NBPF14: variants seen among roughly 807,000 people sequenced by gnomAD.
The protein encoded by NBPF14 is NBPF member 14, also known as NBPF family member NBPF14.
NBPF14 carries 104 observed loss-of-function variants against 91.2 expected under a neutral mutation model. The observed-to-expected ratio is 1.14, with a 90% confidence interval of 0.97 to 1.34. The LOEUF is 1.34. Ranked by LOEUF, NBPF14 falls within the 40% of genes most tolerant of loss-of-function variation. The pLI, the probability that NBPF14 is intolerant of heterozygous loss-of-function variation, is 0.00. For synonymous variants in NBPF14, 294 were observed against 303.8 expected (o/e 0.97, Z 0.34); for missense variants, 908 against 783.0 (o/e 1.16, Z -1.91).
At chr1:148,574,068 A>G (rs2149528405) in exon 19 of NBPF14, 2 of 86,176 alleles carry the variant, frequency 2.3e-5, no homozygotes, top group African/African-American at 5.6e-4. Context: ...ACGTCAAGAG[A>G]AAAGCCAACA....
At chr1:148,566,395 A>G in intron 28 of NBPF14, 80 bp from the exon 29 acceptor site, 2 of 666,686 alleles carry the variant, frequency 3.0e-6, no homozygotes, top group Admixed American at 4.6e-5. Context: ...CATGGGTAGC[A>G]TAGGGAAGTG....
rs1311542736 is a variant in NBPF14, at chr1:148,539,275, C to T, written c.7882+135G>A. The T allele has an allele frequency of 7.6e-5, 48 of 634,982 alleles. 7 individuals are homozygous for T. The highest frequency in any genetic ancestry group is 8.1e-4 in the Middle Eastern group (2 of 2,480). 39.3% of individuals were successfully genotyped at this position (634,982 alleles called of 1,614,324 possible). On this transcript the variant is annotated intron_variant, in intron 63 of 70. Transcript: ENST00000619423. Reference sequence around the variant, plus strand: ...TCCAACTGAGACTACAGTTTCTTTACAACCTATATGCGCCCATAGGTCCTG... The same window carrying T: ...TCCAACTGAGACTACAGTTTCTTTATAACCTATATGCGCCCATAGGTCCTG...
Position 148,559,336 on chromosome 1 carries a change from C to T in NBPF14, c.4730-264G>A, listed in dbSNP as rs1473012465. Among the ~76,000 whole-genome samples, 3 of 127,338 alleles carry T rather than the reference C, an allele frequency of 2.4e-5. 1 individual carries two copies. Among genetic ancestry groups the T allele is most frequent in the African/African-American group, 1.2e-4 (3 of 24,932 alleles). 83.5% of individuals were successfully genotyped at this position (127,338 alleles called of 152,430 possible). ...TCCCAAGTTTGTGCAAATGGTTATG[C>T]CATATTTTTCCAATCGATTTAAAGC... On this transcript the variant is annotated intron_variant, in intron 37 of 70. Transcript: ENST00000619423.
At chr1:148,557,149 A>G (rs1656745915) in intron 40 of NBPF14, among the ~76,000 whole-genome samples, 1 of 117,540 alleles carries the variant, frequency 8.5e-6, no homozygotes, top group Non-Finnish European at 1.6e-5. Flanking sequence ...AGGGAGTAAC[A>G]GGACACTCTG....
intron 12 of NBPF14, among the ~76,000 whole-genome samples, chr1:148,580,798 T>C (rs1660783872): frequency 1.5e-5 from 1 of 65,842 alleles, no homozygotes; most frequent in African/African-American, 9.7e-5. Flanking sequence ...ATATTCAACA[T>C]TCTTTTTTTT....
At chr1:148,586,810 T>C (rs1221082244) in intron 8 of NBPF14, among the ~76,000 whole-genome samples, 1 of 138,874 alleles carries the variant, frequency 7.2e-6, no homozygotes, top group Admixed American at 7.4e-5. Context: ...ACATAGTGCA[T>C]CTTGCGGCCA....
rs1458609633 is a variant in NBPF14, at chr1:148,561,802, A to G, written c.4275-223T>C. ...ACACACACACACACACACACACACA[A>G]ACACACACACACACACAGAGAGAGA... On this transcript the variant is annotated intron_variant, in intron 34 of 70. Coordinates refer to ENST00000619423, the Ensembl canonical transcript of NBPF14. Among the ~76,000 whole-genome samples the G allele has an allele frequency of 2.1e-5, 2 of 95,614 alleles. 1 individual carries two copies. The highest frequency in any genetic ancestry group is 1.0e-4 in the African/African-American group (2 of 19,680). 62.7% of individuals were successfully genotyped at this position (95,614 alleles called of 152,430 possible).
rs1214509343 is a variant in NBPF14, at chr1:148,575,750, A to G, written c.2140T>C (p.Cys714Arg). The G allele has an allele frequency of 2.5e-5, 7 of 279,190 alleles. No individual in the cohort carries two copies. In the African/African-American group the frequency reaches 8.2e-4, roughly 33 times the overall value. The allele number at this position is 279,190 out of a possible 1,614,324, so 17.3% of individuals were successfully genotyped here. A position where few individuals can be genotyped will look rare whatever the true frequency, so the allele number is the denominator to read the frequency against. The stretch of plus-strand genomic sequence containing the variant: ...AGATAACCTGAAGGAGTCGAATAAC[A>G]TCTATCCAGTGAGTCCTGCAAGACT... Residue 714 changes from cysteine (C) to arginine (R), a missense_variant, in exon 17 of 71, where the codon TGT becomes CGT. Physicochemically the swap from Cys to Arg is radical, Grantham distance 180. Coordinates refer to ENST00000619423, the Ensembl canonical transcript of NBPF14.
chr1:148,593,954 G>C (rs1299271876), intron 2 of NBPF14, among the ~76,000 whole-genome samples: 2 of 149,918 alleles, frequency 1.3e-5, no homozygotes, highest in Non-Finnish European at 3.0e-5. Context: ...CCACAACGAA[G>C]TGGAGTCAGA....
intron 68 of NBPF14, 53 bp from the exon 69 acceptor site, chr1:148,534,909 C>A (rs1259036239): frequency 8.3e-6 from 6 of 720,218 alleles, no homozygotes; most frequent in South Asian, 2.9e-5. Flanking sequence ...AGAAACCACA[C>A]AGCCCCAGCT....
At position 148,587,357 on chromosome 1, in the gene NBPF14, C is replaced by G. The variant is rs1159595483; in HGVS notation, c.1035G>C (p.Glu345Asp). ...CAAGCTTCTCCTCCTTGAACTGTCG[C>G]TCATTCCTCAGCATAAATTTTATGA... The change falls in exon 8 of 71, where the codon GAG becomes GAC. Residue 345 changes from glutamate (E) to aspartate (D), a missense_variant. Transcript: ENST00000619423. The G allele has an allele frequency of 1.9e-6, 3 of 1,583,318 alleles. No homozygotes were observed. In the East Asian group the frequency reaches 6.7e-5, roughly 35 times the overall value.
At chr1:148,532,477 G>C (rs1257269306) in exon 71 of NBPF14, 1 of 151,494 alleles carries the variant, frequency 6.6e-6, no homozygotes, top group Non-Finnish European at 1.4e-5. Flanking sequence ...CTAACCAAAG[G>C]AGTCTAGCGG....
At chr1:148,534,252 T>A (rs1486741383) in intron 69 of NBPF14, among the ~76,000 whole-genome samples, 2 of 151,548 alleles carry the variant, frequency 1.3e-5, no homozygotes, top group South Asian at 2.1e-4. Context: ...CCAATCAACG[T>A]AAAGCAAATA....
rs1457544833 is a variant in NBPF14 at position 148,559,966 on chromosome 1, C to T, written c.4557-1G>A. 9 of 1,337,228 alleles carry T rather than the reference C, an allele frequency of 6.7e-6. No homozygotes were observed. The highest frequency in any genetic ancestry group is 2.5e-5 in the East Asian group (1 of 39,792). The allele number at this position is 1,337,228 out of a possible 1,614,324, so 82.8% of individuals were successfully genotyped here. On this transcript the variant is annotated splice_acceptor_variant, in intron 36 of 70. Transcript: ENST00000619423. LOFTEE classifies it high-confidence loss of function. Reference sequence around the variant, plus strand: ...CTCATGCAGCAGCTCCCTGCTGAGCCTGGAAAAGTGGAAAAAAGTAAAGAA... The same window carrying T: ...CTCATGCAGCAGCTCCCTGCTGAGCTTGGAAAAGTGGAAAAAAGTAAAGAA...
chr1:148,560,026 G>A, intron 36 of NBPF14, 61 bp from the exon 37 acceptor site: 1 of 734,202 alleles, frequency 1.4e-6, no homozygotes, highest in Non-Finnish European at 2.4e-6. Flanking sequence ...CACAGCCCCA[G>A]CTAGATTTCA....
exon 21 of NBPF14, chr1:148,572,448 A>G: frequency 2.0e-6 from 1 of 509,678 alleles, no homozygotes; most frequent in Non-Finnish European, 3.3e-6. Context: ...CTCACTGTCC[A>G]CGTCAAGAGC....
At chr1:148,534,691 G>C (rs782034357) in exon 69 of NBPF14, 3 of 818,908 alleles carry the variant, frequency 3.7e-6, no homozygotes, top group Non-Finnish European at 6.5e-6. Context: ...CACTGTCCAC[G>C]TCAAGAGCCA....
chr1:148,585,443 C>G (rs1226695516), intron 9 of NBPF14, among the ~76,000 whole-genome samples: 1 of 151,738 alleles, frequency 6.6e-6, no homozygotes, highest in Admixed American at 6.6e-5. Context: ...TTGAAAAGAC[C>G]TTTTGCTTCC....
chr1:148,575,808 G>T, exon 17 of NBPF14: 1 of 308,844 alleles, frequency 3.2e-6, no homozygotes, highest in East Asian at 6.8e-5. Context: ...GCTCCCTGCT[G>T]AGCCTGGAAA....
Sources: allele counts gnomAD v4.1 joint callset (sites outside exome capture counted in the v4.1 genomes callset), GRCh38; gene constraint gnomAD v4.1.1; transcripts MANE v1.5; gene names NCBI Gene and HGNC (gene_info 2026-07-23, HGNC 2026-07-21).